VTCN1: variants seen among roughly 807,000 people sequenced by gnomAD.
The protein encoded by VTCN1 is V-set domain containing T cell activation inhibitor 1.
Under a neutral mutation model 26.5 loss-of-function variants are expected in VTCN1, and 26 were observed. The ratio of observed to expected loss-of-function variants is 0.98; its 90% CI spans 0.72 to 1.36. The LOEUF is 1.36. Among genes scored for constraint, VTCN1 ranks in the 40% most tolerant of loss-of-function variants. VTCN1 has a pLI of 0.00. For missense variants in VTCN1, 298 were observed against 337.7 expected (o/e 0.88, Z 0.92); for synonymous variants, 116 against 130.7 (o/e 0.89, Z 0.77).
intron 1 of VTCN1, among the ~76,000 whole-genome samples, chr1:117,205,124 TAC>T (rs1254366238): frequency 7.3e-6 from 1 of 137,520 alleles, no homozygotes; most frequent in East Asian, 2.1e-4. Flanking sequence ...TATGTATATA[TAC>T]ATGTCATATA....
At chr1:117,209,994 C>A (rs1649277704) in intron 1 of VTCN1, among the ~76,000 whole-genome samples, 1 of 152,182 alleles carries the variant, frequency 6.6e-6, no homozygotes, top group African/African-American at 2.4e-5. Context: ...GTCCTTCAAA[C>A]AACCTCTAGA....
At chr1:117,199,646 T>C (rs1351739203) in intron 1 of VTCN1, among the ~76,000 whole-genome samples, 1 of 151,286 alleles carries the variant, frequency 6.6e-6, no homozygotes, top group African/African-American at 2.4e-5. Flanking sequence ...TTTTTTTTTT[T>C]TTTTTTTGAG....
intron 2 of VTCN1, among the ~76,000 whole-genome samples, chr1:117,157,600 G>A (rs1652156087): frequency 6.6e-6 from 1 of 152,122 alleles, no homozygotes; most frequent in African/African-American, 2.4e-5. Context: ...CAACACATGG[G>A]AATTATGAGA....
At chr1:117,165,334 G>A (rs1255952713) in intron 2 of VTCN1, among the ~76,000 whole-genome samples, 1 of 152,160 alleles carries the variant, frequency 6.6e-6, no homozygotes, top group Non-Finnish European at 1.5e-5. Context: ...CATGAAGAAA[G>A]GATTCAAAAG....
At chr1:117,209,012 C>T (rs558552246) in intron 1 of VTCN1, among the ~76,000 whole-genome samples, 1 of 152,294 alleles carries the variant, frequency 6.6e-6, no homozygotes, top group Admixed American at 6.5e-5. Flanking sequence ...CACCTGCATC[C>T]CTGAGATGAG....
chr1:117,147,937 T>G lies in VTCN1; in HGVS notation c.725-155A>C, dbSNP rs923604835. Reference sequence around the variant, plus strand: ...CTTTGCCCACCTCTCCGTAACTGGCTTAAAAGTAGAGCTTTCTCTTTCTTC... The same window carrying G: ...CTTTGCCCACCTCTCCGTAACTGGCGTAAAAGTAGAGCTTTCTCTTTCTTC... On this transcript the variant is annotated intron_variant, in intron 4 of 5. Coordinates refer to ENST00000369458, the MANE Select transcript of VTCN1 (RefSeq NM_024626.4). This position sits in a 1 kb window ranked among gnomAD's most constrained non-coding sequence, Gnocchi z 4.6. 4.6e-5 allele frequency among the ~76,000 whole-genome samples: 7 copies of G among 152,238 alleles called. No homozygotes were observed. The highest frequency in any genetic ancestry group is 1.7e-4 in the African/African-American group (7 of 41,474).
intron 1 of VTCN1, among the ~76,000 whole-genome samples, chr1:117,182,869 T>G (rs1038845759): frequency 1.1e-4 from 16 of 152,176 alleles, no homozygotes; most frequent in African/African-American, 3.9e-4. Context: ...TGCTGTGTCC[T>G]GTACCTACCC....
chr1:117,171,533 A>G (rs1450329610), intron 1 of VTCN1, among the ~76,000 whole-genome samples: 3 of 152,168 alleles, frequency 2.0e-5, no homozygotes, highest in Non-Finnish European at 4.4e-5. Flanking sequence ...CTGACTTTTT[A>G]ATTATCAGCA....
At chr1:117,204,711 A>C (rs1451197183) in intron 1 of VTCN1, among the ~76,000 whole-genome samples, 1 of 151,962 alleles carries the variant, frequency 6.6e-6, no homozygotes. Flanking sequence ...CTAAAAATAC[A>C]AAAAATTAGC....
intron 1 of VTCN1, among the ~76,000 whole-genome samples, chr1:117,191,488 A>G (rs1339856983): frequency 6.6e-6 from 1 of 152,152 alleles, no homozygotes; most frequent in African/African-American, 2.4e-5. Context: ...ATAGCCAGAC[A>G]CTATTTCTAT....
At chr1:117,196,314 G>T (rs1425934818) in intron 1 of VTCN1, among the ~76,000 whole-genome samples, 1 of 151,356 alleles carries the variant, frequency 6.6e-6, no homozygotes, top group Non-Finnish European at 1.5e-5. Flanking sequence ...ATTTATTTGA[G>T]AAATACTTAT....
Position 117,175,763 on chromosome 1 carries a change from C to A in VTCN1, c.33-5592G>T, listed in dbSNP as rs773689183. On this transcript the variant is annotated intron_variant, in intron 1 of 5. Coordinates refer to ENST00000369458, the MANE Select transcript of VTCN1 (RefSeq NM_024626.4). The surrounding 1 kb of genome is among the most constrained non-coding windows in gnomAD (Gnocchi z 4.2). ...CCAGAAGAGAGATACCTATCTCTCT[C>A]TCTCTCTCTCTTTTTTTTTTTTTTT... is the stretch of plus-strand genomic sequence containing the variant. 8.9e-4 allele frequency among the ~76,000 whole-genome samples: 67 copies of A among 75,588 alleles called. No homozygotes were observed. Among genetic ancestry groups the A allele is most frequent in the East Asian group, 2.4e-3 (2 of 830 alleles). 49.6% of individuals were successfully genotyped at this position (75,588 alleles called of 152,430 possible). A position where few individuals can be genotyped will look rare whatever the true frequency, so the allele number is the denominator to read the frequency against.
intron 2 of VTCN1, among the ~76,000 whole-genome samples, chr1:117,165,783 G>A (rs561952817): frequency 7.9e-5 from 12 of 152,166 alleles, no homozygotes; most frequent in African/African-American, 2.2e-4. Context: ...GTGCAAGAAC[G>A]GCCTAATACA....
intron 1 of VTCN1, among the ~76,000 whole-genome samples, chr1:117,198,565 A>G (rs552201936): frequency 2.5e-4 from 38 of 152,304 alleles, no homozygotes; most frequent in African/African-American, 8.9e-4. Context: ...GTGTGCCTTC[A>G]GCATCCACAT....
At chr1:117,193,855 A>C (rs533529482) in intron 1 of VTCN1, among the ~76,000 whole-genome samples, 1 of 152,286 alleles carries the variant, frequency 6.6e-6, no homozygotes. Flanking sequence ...ATCTTACACC[A>C]CACACAAACA....
At chr1:117,184,258 T>C (rs1406854819) in intron 1 of VTCN1, among the ~76,000 whole-genome samples, 2 of 152,128 alleles carry the variant, frequency 1.3e-5, no homozygotes, top group Non-Finnish European at 2.9e-5. Context: ...CCTTAAGATA[T>C]GGAAGGCATT....
In VTCN1 at chr1:117,146,439, T is replaced by C. The variant is rs1319161985; in HGVS notation, c.*45+1174A>G. Among the ~76,000 whole-genome samples, 2 of 152,312 alleles carry C rather than the reference T, an allele frequency of 1.3e-5. No homozygotes were observed. The highest frequency in any genetic ancestry group is 2.9e-5 in the Non-Finnish European group (2 of 68,024). On this transcript the variant is annotated intron_variant, in intron 5 of 5. Transcript: ENST00000369458. The surrounding 1 kb of genome is among the most constrained non-coding windows in gnomAD (Gnocchi z 4.2). Reference sequence around the variant, plus strand: ...TTACCTGCCTCTGAGGACTTAGCAATGTAGGCAAGGAATACATGTACCCTG... The same window carrying C: ...TTACCTGCCTCTGAGGACTTAGCAACGTAGGCAAGGAATACATGTACCCTG...
In VTCN1 at chr1:117,153,187, C is replaced by T. The variant is rs1042229408; in HGVS notation, c.628G>A (p.Val210Ile). 3 of 1,614,008 alleles carry T rather than the reference C, an allele frequency of 1.9e-6. No individual in the cohort carries two copies. The highest frequency in any genetic ancestry group is 2.7e-5 in the African/African-American group (2 of 74,896). The change falls in exon 4 of 6, where the codon GTT becomes ATT. Residue 210 changes from valine to isoleucine, a missense_variant. Physicochemically the swap from Val to Ile is conservative, Grantham distance 29. Transcript: ENST00000369458. ...ELNSENVTMK[V>I]VSVLYNVTIN... ...GTAACATTGTAGAGCACAGACACAA[C>T]CTTCATGGTCACATTCTCAGAGTTC...
intron 2 of VTCN1, among the ~76,000 whole-genome samples, chr1:117,158,515 C>T (rs929913390): frequency 6.6e-6 from 1 of 152,208 alleles, no homozygotes; most frequent in African/African-American, 2.4e-5. Flanking sequence ...AGGCTGCACA[C>T]AGCATGGGGA....
Sources: gnomAD v4.1 joint callset for allele counts (sites outside exome capture counted in the v4.1 genomes callset) on GRCh38, gnomAD v4.1.1 for gene constraint, Gnocchi (gnomAD v3.1) non-coding constraint, MANE v1.5 for transcripts, NCBI Gene and HGNC (gene_info 2026-07-23, HGNC 2026-07-21) for gene names.